The following MARK1 variants were observed in gnomAD, a reference collection of about 807,000 sequenced individuals.
MARK1 encodes the protein serine/threonine-protein kinase MARK1.
In MARK1, 40 loss-of-function variants were observed where a neutral mutation model predicts 96.3. The observed-to-expected ratio is 0.42, with a 90% CI of 0.32 to 0.54. The LOEUF is 0.54. MARK1 is among the 20% of genes least tolerant of loss of function. MARK1 has a pLI of 0.16. For missense variants in MARK1, 719 were observed against 984.6 expected (o/e 0.73, Z 3.61); for synonymous variants, 317 against 341.2 (o/e 0.93, Z 0.78).
intron 13 of MARK1, among the ~76,000 whole-genome samples, chr1:220,643,606 C>T (rs1668406145): frequency 6.6e-6 from 1 of 152,010 alleles, no homozygotes; most frequent in Admixed American, 6.6e-5. Context: ...AAGATCAACC[C>T]CAAGACACAT....
chr1:220,537,829 G>A (rs930864412), intron 1 of MARK1, among the ~76,000 whole-genome samples: 4 of 152,014 alleles, frequency 2.6e-5, no homozygotes, highest in African/African-American at 9.7e-5. Flanking sequence ...GCATTTCTCT[G>A]ATGGTCAGTG....
At chr1:220,626,586 C>T (rs1667350109) in intron 9 of MARK1, 2 of 392,330 alleles carry the variant, frequency 5.1e-6, no homozygotes, top group Non-Finnish European at 1.0e-5. Context: ...TTTTGGGAGG[C>T]CCAGGCAGGA....
chr1:220,572,417 A>G (rs1663534480), intron 1 of MARK1, among the ~76,000 whole-genome samples: 1 of 151,892 alleles, frequency 6.6e-6, no homozygotes, highest in African/African-American at 2.4e-5. Context: ...AATTTTTTGT[A>G]TTTTTAGTAG....
chr1:220,604,007 A>G (rs900618330), intron 5 of MARK1, 60 bp from the exon 6 acceptor site: 5 of 1,068,496 alleles, frequency 4.7e-6, no homozygotes, highest in South Asian at 1.5e-5. Flanking sequence ...TTGACATTGC[A>G]TATATTGTTA....
chr1:220,608,818 A>G (rs1021618698), intron 6 of MARK1, among the ~76,000 whole-genome samples: 6 of 152,062 alleles, frequency 3.9e-5, no homozygotes, highest in African/African-American at 7.2e-5. Flanking sequence ...TATTCACCCA[A>G]TAGTCATTCA....
chr1:220,622,947 T>C (rs1350768792), intron 9 of MARK1, among the ~76,000 whole-genome samples: 1 of 152,194 alleles, frequency 6.6e-6, no homozygotes, highest in African/African-American at 2.4e-5. Context: ...CCATAGCTGG[T>C]TTAATTCTTT....
intron 1 of MARK1, among the ~76,000 whole-genome samples, chr1:220,574,789 G>T (rs1663720198): frequency 6.6e-6 from 1 of 152,142 alleles, no homozygotes. Context: ...ATGACTTTGA[G>T]AAATGAAAGT....
chr1:220,546,440 A>T (rs1661496180), intron 1 of MARK1, among the ~76,000 whole-genome samples: 1 of 152,212 alleles, frequency 6.6e-6, no homozygotes, highest in South Asian at 2.1e-4. Flanking sequence ...ATAGGATGAT[A>T]AAAAGGGGCA....
chr1:220,545,611 A>G (rs1461765250), intron 1 of MARK1, among the ~76,000 whole-genome samples: 2 of 150,846 alleles, frequency 1.3e-5, no homozygotes, highest in Non-Finnish European at 3.0e-5. Flanking sequence ...TAATTTTTGT[A>G]TTTTTTCGTA....
chr1:220,625,493 A>G (rs188625063), intron 9 of MARK1, among the ~76,000 whole-genome samples: 1 of 152,360 alleles, frequency 6.6e-6, no homozygotes, highest in Non-Finnish European at 1.5e-5. Context: ...GCTACATTCA[A>G]TTGTAGGCAA....
At chr1:220,539,284 G>A (rs1340387928) in intron 1 of MARK1, among the ~76,000 whole-genome samples, 1 of 152,200 alleles carries the variant, frequency 6.6e-6, no homozygotes, top group African/African-American at 2.4e-5. Flanking sequence ...ATGAAGTGTT[G>A]TTGAATTTTG....
intron 1 of MARK1, among the ~76,000 whole-genome samples, chr1:220,572,467 T>G (rs1663539868): frequency 6.6e-6 from 1 of 152,204 alleles, no homozygotes; most frequent in Non-Finnish European, 1.5e-5. Flanking sequence ...GGTCTTGAAC[T>G]CCCGACCTCA....
At chr1:220,560,301 A>T (rs894670218) in intron 1 of MARK1, among the ~76,000 whole-genome samples, 1 of 152,158 alleles carries the variant, frequency 6.6e-6, no homozygotes, top group African/African-American at 2.4e-5. Flanking sequence ...CCCCCAGTGG[A>T]TGGCTGAAAC....
intron 1 of MARK1, among the ~76,000 whole-genome samples, chr1:220,555,718 T>G (rs184169656): frequency 1.6e-4 from 25 of 152,332 alleles, no homozygotes; most frequent in African/African-American, 6.0e-4. Flanking sequence ...CTATTCGATA[T>G]CCATATGGAG....
chr1:220,616,838 C>G (rs895473300), intron 7 of MARK1, among the ~76,000 whole-genome samples: 2 of 152,112 alleles, frequency 1.3e-5, no homozygotes, highest in Admixed American at 6.5e-5. Flanking sequence ...AGAACTGTTC[C>G]CCTGCTTCTG....
At chr1:220,540,902 G>A (rs1661094949) in intron 1 of MARK1, among the ~76,000 whole-genome samples, 1 of 150,788 alleles carries the variant, frequency 6.6e-6, no homozygotes, top group Non-Finnish European at 1.5e-5. Context: ...AGTCCTTGGG[G>A]TGTTGAGTTA....
At chr1:220,585,106 G>A (rs191772580) in intron 3 of MARK1, among the ~76,000 whole-genome samples, 206 of 152,250 alleles carry the variant, frequency 1.4e-3, no homozygotes, top group African/African-American at 4.5e-3. Context: ...TACCCCTAGA[G>A]CTTTTTTGAG....
rs546638840 is a variant in MARK1, at chr1:220,566,831, A to G, written c.52-12523A>G. Among the ~76,000 whole-genome samples the G allele has an allele frequency of 1.2e-4, 18 of 152,284 alleles. 1 individual carries two copies. In the East Asian group the frequency reaches 3.3e-3, roughly 28 times the overall value. On this transcript the variant is annotated intron_variant, in intron 1 of 17. Transcript: ENST00000366917. ...ACACTGACAACATCTTCTGTGTTGA[A>G]TGCTTTTTTAGACATTATTTTATTT...
rs1669050078 is a variant in MARK1, at chr1:220,654,196, C to T, written c.1988+844C>T. Among the ~76,000 whole-genome samples, 1 of 152,158 alleles carries T rather than the reference C, an allele frequency of 6.6e-6. No homozygotes were observed. ...AAAAGTGTGGGCAACATGCTGGATTCCAGAGGAAGACACAATTGTTTCTAT... is the reference window on the plus strand; with the variant it reads ...AAAAGTGTGGGCAACATGCTGGATTTCAGAGGAAGACACAATTGTTTCTAT... On this transcript the variant is annotated intron_variant, in intron 16 of 17. Transcript: ENST00000366917. This position sits in a 1 kb window ranked among gnomAD's most constrained non-coding sequence, Gnocchi z 4.0.
Sources: allele counts gnomAD v4.1 joint callset (sites outside exome capture counted in the v4.1 genomes callset), GRCh38; gene constraint gnomAD v4.1.1; non-coding constraint Gnocchi (gnomAD v3.1); transcripts MANE v1.5; gene names NCBI Gene and HGNC (gene_info 2026-07-23, HGNC 2026-07-21).